Variants in PDK1 observed in about 807,000 individuals in gnomAD.
PDK1 encodes [Pyruvate dehydrogenase (acetyl-transferring)] kinase isozyme 1, mitochondrial.
In PDK1, 39 loss-of-function variants were observed where a neutral mutation model predicts 54.2. The observed-to-expected ratio is 0.72, with a 90% CI of 0.56 to 0.94. The LOEUF (loss-of-function observed/expected upper bound fraction) is 0.94, where lower values mean the gene tolerates loss of function less well. Ranked by LOEUF, PDK1 falls within the 40% of genes least tolerant of loss-of-function variation. PDK1 has a pLI of 0.00. For missense variants in PDK1, 552 were observed against 566.0 expected (o/e 0.98, Z 0.25); for synonymous variants, 221 against 207.1 (o/e 1.07, Z -0.58).
At position 172,592,964 on chromosome 2, in the gene PDK1, A is replaced by T. The variant is rs56355417; in HGVS notation, c.1086A>T (p.Ser362=). The T allele has an allele frequency of 2.2e-4, 356 of 1,612,296 alleles. 1 individual carries two copies. Among genetic ancestry groups the T allele is most frequent in the African/African-American group, 3.5e-4 (26 of 74,966 alleles). ...LAGFGYGLPI[S]RLYAQYFQGD... ...GTTTTGGTTATGGATTGCCCATATC[A>T]CGTCTTTACGCACAATACTTCCAAG... Residue 362 remains serine, a synonymous_variant, in exon 10 of 11, where the codon TCA becomes TCT. Coordinates refer to ENST00000282077, the MANE Select transcript of PDK1 (RefSeq NM_002610.5).
At chr2:172,658,526 G>A in the PDK1 span, among the ~76,000 whole-genome samples, 1 of 152,168 alleles carries the variant, frequency 6.6e-6, no homozygotes, top group South Asian at 2.1e-4. Flanking sequence ...GAACAAGGGA[G>A]GACAACCATA....
Position 172,565,063 on chromosome 2 carries a change from A to C in PDK1, c.681A>C (p.Glu227Asp). Residue 227 changes from glutamate to aspartate, a missense_variant, in exon 5 of 11, where the codon GAA becomes GAC. Physicochemically the swap from Glu to Asp is conservative, Grantham distance 45. Coordinates refer to ENST00000282077, the MANE Select transcript of PDK1 (RefSeq NM_002610.5). The stretch of plus-strand genomic sequence containing the variant: ...TAAATCCAAACTGCAATGTACTTGA[A>C]GTTATTAAAGGTAAATACTGACATT... ...GSINPNCNVL[E>D]VIKDGYENAR... The C allele has an allele frequency of 6.3e-7, 1 of 1,580,904 alleles. No homozygotes were observed. The highest frequency in any genetic ancestry group is 8.7e-7 in the Non-Finnish European group (1 of 1,150,250).
At position 172,576,662 on chromosome 2, in the gene PDK1, T is replaced by C. The variant is rs76397117; in HGVS notation, c.945+5838T>C. Among the ~76,000 whole-genome samples, 1,148 of 152,246 alleles carry C rather than the reference T, an allele frequency of 7.5e-3. 19 individuals carry two copies. Among genetic ancestry groups the C allele is most frequent in the African/African-American group, 0.026 (1,075 of 41,544 alleles). On this transcript the variant is annotated intron_variant, in intron 8 of 10. Transcript: ENST00000282077. Reference sequence around the variant, plus strand: ...CTTTGTCTATCTTACAAGTTTTTAATGTTTTGTTTTCATTTTCATTCATCT... The same window carrying C: ...CTTTGTCTATCTTACAAGTTTTTAACGTTTTGTTTTCATTTTCATTCATCT...
chr2:172,690,088 T>C, the PDK1 span, among the ~76,000 whole-genome samples: 3 of 150,424 alleles, frequency 2.0e-5, no homozygotes, highest in Admixed American at 2.0e-4. Flanking sequence ...AGAAAATTTT[T>C]GCAATCTACC....
chr2:172,641,262 T>C, the PDK1 span, among the ~76,000 whole-genome samples: 3 of 151,996 alleles, frequency 2.0e-5, no homozygotes, highest in Admixed American at 2.0e-4. Flanking sequence ...AAGTTGCTGG[T>C]ACTATAGGCA....
At chr2:172,574,220 G>A (rs1158658551) in intron 8 of PDK1, among the ~76,000 whole-genome samples, 1 of 152,140 alleles carries the variant, frequency 6.6e-6, no homozygotes. Context: ...TGTCACCCTT[G>A]TCAAAAATCA....
chr2:172,556,582 A>G (rs750718820), intron 1 of PDK1: 2 of 372,602 alleles, frequency 5.4e-6, no homozygotes, highest in Non-Finnish European at 4.8e-6. Context: ...AAAACAAACC[A>G]GCTGGGCCGC....
At chr2:172,721,779 GGC>G in the PDK1 span, among the ~76,000 whole-genome samples, 1 of 152,186 alleles carries the variant, frequency 6.6e-6, no homozygotes, top group Non-Finnish European at 1.5e-5. Flanking sequence ...GAAAAGGCCA[GGC>G]AATATTGTGT....
intron 9 of PDK1, among the ~76,000 whole-genome samples, chr2:172,586,663 A>G (rs1690248345): frequency 6.6e-6 from 1 of 152,134 alleles, no homozygotes; most frequent in Non-Finnish European, 1.5e-5. Context: ...ATTTTGAAAT[A>G]TGGTTAACCA....
the PDK1 span, among the ~76,000 whole-genome samples, chr2:172,685,555 AATT>A: frequency 1.3e-5 from 2 of 152,212 alleles, no homozygotes; most frequent in African/African-American, 4.8e-5. Context: ...GTAAAATGAA[AATT>A]ATTATTTTCC....
At chr2:172,571,817 T>G (rs950876498) in intron 8 of PDK1, among the ~76,000 whole-genome samples, 2 of 148,750 alleles carry the variant, frequency 1.3e-5, no homozygotes, top group Non-Finnish European at 1.5e-5. Context: ...TCTTAGTCTT[T>G]CTTTACTTTT....
chr2:172,570,426 A>G (rs936226455), intron 7 of PDK1, among the ~76,000 whole-genome samples: 1 of 152,242 alleles, frequency 6.6e-6, no homozygotes, highest in African/African-American at 2.4e-5. Context: ...ATCATTTACT[A>G]AAATTATAAA....
At chr2:172,669,270 A>C in the PDK1 span, among the ~76,000 whole-genome samples, 2 of 151,540 alleles carry the variant, frequency 1.3e-5, no homozygotes, top group East Asian at 3.9e-4. Context: ...CGTGGTCTCG[A>C]TCTCCTGACC....
chr2:172,705,413 G>A, the PDK1 span, among the ~76,000 whole-genome samples: 1 of 152,142 alleles, frequency 6.6e-6, no homozygotes, highest in African/African-American at 2.4e-5. Flanking sequence ...CAAATCTCTG[G>A]TGTTTGCCCA....
chr2:172,572,146 A>G (rs1478071813), intron 8 of PDK1, among the ~76,000 whole-genome samples: 1 of 152,088 alleles, frequency 6.6e-6, no homozygotes, highest in Non-Finnish European at 1.5e-5. Flanking sequence ...TTACATTTTA[A>G]ACAGTAAATA....
In PDK1 at chr2:172,568,787, T is replaced by A. The variant is rs751052952; in HGVS notation, c.816T>A (p.His272Gln). 4 of 1,607,490 alleles carry A rather than the reference T, an allele frequency of 2.5e-6. No homozygotes were observed. ...QPIQVVYVPS[H>Q]LYHMVFELFK... The stretch of plus-strand genomic sequence containing the variant: ...TACAAGTGGTTTATGTACCATCCCA[T>A]CTCTATCACATGGTGTTTGAACTTT... Residue 272 changes from histidine (H) to glutamine (Q), a missense_variant, in exon 7 of 11, where the codon CAT becomes CAA. By Grantham distance (24) the His-to-Gln change is conservative. Coordinates refer to ENST00000282077, the MANE Select transcript of PDK1 (RefSeq NM_002610.5).
chr2:172,614,857 A>G, the PDK1 span, among the ~76,000 whole-genome samples: 39 of 152,374 alleles, frequency 2.6e-4, no homozygotes, highest in South Asian at 8.1e-3. Context: ...ATTCAGAAAC[A>G]CAAAAAGATT....
intron 8 of PDK1, among the ~76,000 whole-genome samples, chr2:172,579,525 C>CTTTTTTTTTTTTT (rs10660737): frequency 4.1e-5 from 5 of 122,560 alleles, no homozygotes; most frequent in Non-Finnish European, 6.7e-5. Context: ...CCCGCTCTTT[C>CTTTTTTTTTTTTT]TTTTTTTTTT....
In PDK1 at chr2:172,565,083, G is replaced by A. The variant is rs1237693351; in HGVS notation, c.691+10G>A. 2.1e-6 allele frequency: 3 copies of A among 1,443,366 alleles called. No individual in the cohort carries two copies. The highest frequency in any genetic ancestry group is 1.4e-5 in the African/African-American group (1 of 71,300). 89.4% of individuals were successfully genotyped at this position (1,443,366 alleles called of 1,614,324 possible). On this transcript the variant is annotated intron_variant, in intron 5 of 10. Coordinates refer to ENST00000282077, the MANE Select transcript of PDK1 (RefSeq NM_002610.5). ...CTTGAAGTTATTAAAGGTAAATACT[G>A]ACATTTCTCCTTGCAAAAAAAGATA...
Sources: allele counts gnomAD v4.1 joint callset (sites outside exome capture counted in the v4.1 genomes callset), GRCh38; gene constraint gnomAD v4.1.1; transcripts MANE v1.5; gene names NCBI Gene and HGNC (gene_info 2026-07-23, HGNC 2026-07-21).